Variants in CEP295 observed in about 807,000 individuals in gnomAD.
The protein encoded by CEP295 is centrosomal protein of 295 kDa.
In CEP295, 190 loss-of-function variants were observed where a neutral mutation model predicts 291.6. That is an observed-to-expected ratio of 0.65 (90% CI 0.58 to 0.73). The LOEUF (loss-of-function observed/expected upper bound fraction) is 0.73, where lower values mean the gene tolerates loss of function less well. CEP295 is among the 30% of genes least tolerant of loss of function. The pLI is 0.00. For missense variants in CEP295, 2,863 were observed against 2,949.4 expected (o/e 0.97, Z 0.68); for synonymous variants, 993 against 1,038.8 (o/e 0.96, Z 0.85).
chr11:93,682,033 A>C (rs1309244543), intron 7 of CEP295, among the ~76,000 whole-genome samples: 1 of 152,100 alleles, frequency 6.6e-6, no homozygotes, highest in Non-Finnish European at 1.5e-5. Context: ...ACTAGCTTGC[A>C]GTGAGCTAGA....
chr11:93,726,764 T>C, intron 23 of CEP295: 1 of 422,230 alleles, frequency 2.4e-6, no homozygotes, highest in Non-Finnish European at 4.2e-6. Flanking sequence ...TTATTAAATA[T>C]TAATAGAAAA....
At chr11:93,705,933 T>C (rs191601602) in intron 17 of CEP295, among the ~76,000 whole-genome samples, 101 of 152,330 alleles carry the variant, frequency 6.6e-4, no homozygotes, top group African/African-American at 2.4e-3. Flanking sequence ...AGCCTGGCTG[T>C]TGATATTATT....
chr11:93,703,429 A>G (rs1477196218), intron 17 of CEP295, among the ~76,000 whole-genome samples: 1 of 152,148 alleles, frequency 6.6e-6, no homozygotes, highest in Non-Finnish European at 1.5e-5. Context: ...GGTAATAACT[A>G]TGACTATGTA....
chr11:93,663,682 A>G (rs1950085994), intron 1 of CEP295, among the ~76,000 whole-genome samples: 1 of 152,230 alleles, frequency 6.6e-6, no homozygotes, highest in Non-Finnish European at 1.5e-5. Flanking sequence ...TTCCAAATAA[A>G]AAGTTTAAAA....
rs1291080519 is a variant in CEP295 at position 93,696,735 on chromosome 11, C to T, written c.1823C>T (p.Thr608Ile). Residue 608 changes from threonine (T) to isoleucine (I), a missense_variant, in exon 15 of 30, where the codon ACT becomes ATT. Thr to Ile is a moderately conservative substitution (Grantham distance 89, BLOSUM62 -1). Around this residue, in one of 3 missense-constraint regions of CEP295, gnomAD observed 2,295 missense variants for 2,335.7 expected, o/e 0.98. Transcript: ENST00000325212. ...AGGAAACAATTACTTGAATATCAAA[C>T]TATGTTAAAAGGAAGGTGCCCATCG... is the stretch of plus-strand genomic sequence containing the variant. ...TARKQLLEYQ[T>I]MLKGRCPSVS... 6.4e-7 allele frequency: 1 copy of T among 1,551,156 alleles called. No individual in the cohort carries two copies. Among genetic ancestry groups the T allele is most frequent in the Admixed American group, 2.0e-5 (1 of 50,968 alleles).
chr11:93,667,725 C>G lies in CEP295; in HGVS notation c.227C>G (p.Thr76Ser). The change falls in exon 3 of 30, where the codon ACT becomes AGT. Residue 76 changes from threonine to serine, a missense_variant. By Grantham distance (58) the Thr-to-Ser change is moderately conservative. Transcript: ENST00000325212. ...ELRAEWEESQ[T>S]QKIQNLEKLY... ...AGGGCAGAATGGGAAGAATCACAAA[C>G]TCAGAAAATACAGAACTTGGAAAAA... 1 of 1,551,392 alleles carries G rather than the reference C, an allele frequency of 6.4e-7. No individual in the cohort carries two copies. The highest frequency in any genetic ancestry group is 8.7e-7 in the Non-Finnish European group (1 of 1,146,846).
chr11:93,672,047 G>T (rs1237999187), intron 5 of CEP295, among the ~76,000 whole-genome samples: 2 of 152,094 alleles, frequency 1.3e-5, no homozygotes, highest in Non-Finnish European at 1.5e-5. Context: ...CATTAGCCCT[G>T]CATGTTAGAT....
At chr11:93,728,589 A>G (rs1163268503) in intron 24 of CEP295, 92 bp from the exon 25 acceptor site, 3 of 1,143,154 alleles carry the variant, frequency 2.6e-6, no homozygotes, top group East Asian at 2.9e-5. Flanking sequence ...ATTTATATAC[A>G]CTTGCAAAAA....
Position 93,699,510 on chromosome 11 carries a change from G to A in CEP295, c.4598G>A (p.Arg1533Lys), listed in dbSNP as rs1348254962. The change falls in exon 15 of 30, where the codon AGA (arginine) becomes AAA (lysine). Residue 1533 changes from arginine to lysine, a missense_variant. Arg to Lys is a conservative substitution (Grantham distance 26). Coordinates refer to ENST00000325212, the MANE Select transcript of CEP295 (RefSeq NM_033395.2). The part of the protein sequence containing the change: ...QEVQEELLLQ[R>K]LSELEKRVSS... The stretch of plus-strand genomic sequence containing the variant: ...GTCCAAGAAGAATTGCTTTTGCAAA[G>A]ATTAAGTGAATTGGAGAAAAGGGTA... 2 of 1,551,700 alleles carry A rather than the reference G, an allele frequency of 1.3e-6. No individual in the cohort carries two copies. The highest frequency in any genetic ancestry group is 1.7e-6 in the Non-Finnish European group (2 of 1,147,034).
chr11:93,722,909 C>T (rs574452131), intron 20 of CEP295, 132 bp from the exon 21 acceptor site: 42 of 647,430 alleles, frequency 6.5e-5, no homozygotes, highest in Non-Finnish European at 1.0e-4. Flanking sequence ...TGGGGTTTCA[C>T]CATGTTGGCG....
chr11:93,722,678 A>T (rs1249610577), intron 20 of CEP295: 1 of 172,672 alleles, frequency 5.8e-6, no homozygotes, highest in East Asian at 1.6e-4. Context: ...TTCTCCACTA[A>T]AATATGTCTG....
rs1283430308 is a variant in CEP295 at position 93,683,988 on chromosome 11, A to C, written c.974A>C (p.His325Pro). 1 of 1,551,312 alleles carries C rather than the reference A, an allele frequency of 6.4e-7. No individual in the cohort carries two copies. The highest frequency in any genetic ancestry group is 2.0e-5 in the Admixed American group (1 of 50,878). The change falls in exon 9 of 30, where the codon CAC becomes CCC. Residue 325 changes from histidine to proline, a missense_variant. This residue lies in a region of CEP295 where 554 missense variants were observed against 576.0 expected (regional missense o/e 0.96). Coordinates refer to ENST00000325212, the MANE Select transcript of CEP295 (RefSeq NM_033395.2). ...GAGGTGAAAGGGAATCTGATTCTGCACCTTGAACCAGAGCCCTTGCCCACT... is the reference window on the plus strand; with the variant it reads ...GAGGTGAAAGGGAATCTGATTCTGCCCCTTGAACCAGAGCCCTTGCCCACT... Reference protein sequence around the residue: ...DRKVKGNLILHLEPEPLPTVT... With the variant: ...DRKVKGNLILPLEPEPLPTVT...
At chr11:93,686,279 A>G (rs993759404) in intron 9 of CEP295, among the ~76,000 whole-genome samples, 3 of 151,656 alleles carry the variant, frequency 2.0e-5, no homozygotes, top group African/African-American at 7.3e-5. Flanking sequence ...AAACCACACC[A>G]CTGCACTCCA....
intron 19 of CEP295, 151 bp from the exon 20 acceptor site, chr11:93,721,803 T>C (rs534976806): frequency 4.2e-6 from 3 of 721,712 alleles, no homozygotes; most frequent in Non-Finnish European, 7.6e-6. Context: ...TTCTGGGCAA[T>C]GATGAAAAGG....
intron 18 of CEP295, among the ~76,000 whole-genome samples, chr11:93,710,233 G>T (rs1952809735): frequency 6.6e-6 from 1 of 152,080 alleles, no homozygotes; most frequent in Admixed American, 6.6e-5. Flanking sequence ...AGGCTTTCAG[G>T]TTTTCCCCCA....
At chr11:93,696,258 A>G in intron 13 of CEP295, 62 bp from the exon 14 acceptor site, 1 of 956,870 alleles carries the variant, frequency 1.0e-6, no homozygotes, top group Non-Finnish European at 1.6e-6. Context: ...AACTGTATGT[A>G]AAAATACTTC....
intron 18 of CEP295, among the ~76,000 whole-genome samples, chr11:93,707,814 C>T (rs1433987296): frequency 2.0e-5 from 3 of 151,462 alleles, no homozygotes; most frequent in African/African-American, 7.3e-5. Flanking sequence ...TTTAGCTGTA[C>T]ACCTAGTAAG....
intron 24 of CEP295, 82 bp downstream of exon 24, chr11:93,727,719 G>C (rs1488384887): frequency 9.0e-7 from 1 of 1,108,350 alleles, no homozygotes; most frequent in Non-Finnish European, 1.3e-6. Context: ...TAGAGATGAA[G>C]TTCCCACTAT....
Position 93,724,394 on chromosome 11 carries a change from C to A in CEP295, c.6318+19C>A, listed in dbSNP as rs1325237180. 1 of 1,541,324 alleles carries A rather than the reference C, an allele frequency of 6.5e-7. No homozygotes were observed. Among genetic ancestry groups the A allele is most frequent in the African/African-American group, 1.4e-5 (1 of 72,824 alleles). On this transcript the variant is annotated intron_variant, in intron 22 of 29. Coordinates refer to ENST00000325212, the MANE Select transcript of CEP295 (RefSeq NM_033395.2). ...TTACCAGGTATATTAAAGTAGATGTCCCATTGCAGTGAATATCTAAAAATA... is the reference window on the plus strand; with the variant it reads ...TTACCAGGTATATTAAAGTAGATGTACCATTGCAGTGAATATCTAAAAATA...
Sources: gnomAD v4.1 joint callset for allele counts (sites outside exome capture counted in the v4.1 genomes callset) on GRCh38, gnomAD v4.1.1 for gene constraint, gnomAD v4.1.1 regional missense constraint, MANE v1.5 for transcripts, NCBI Gene and HGNC (gene_info 2026-07-23, HGNC 2026-07-21) for gene names.